The following KCNIP4 variants were observed in gnomAD, a reference collection of about 807,000 sequenced individuals.
KCNIP4 encodes the protein potassium voltage-gated channel interacting protein 4, also known as Kv channel-interacting protein 4.
KCNIP4 carries 12 observed loss-of-function variants against 34.0 expected under a neutral mutation model. The ratio of observed to expected loss-of-function variants is 0.35; its 90% CI spans 0.23 to 0.57. The LOEUF (loss-of-function observed/expected upper bound fraction) is 0.57, where lower values mean the gene tolerates loss of function less well. Ranked by LOEUF, KCNIP4 falls within the 20% of genes least tolerant of loss-of-function variation. KCNIP4 has a pLI of 0.83. For missense variants in KCNIP4, 238 were observed against 311.7 expected, an observed-to-expected ratio of 0.76 and a Z score of 1.78; for synonymous variants, 124 against 102.2, an observed-to-expected ratio of 1.21 and a Z score of -1.29.
At chr4:20,908,834 A>G (rs1454221176) in intron 1 of KCNIP4, among the ~76,000 whole-genome samples, 1 of 152,246 alleles carries the variant, frequency 6.6e-6, no homozygotes, top group Non-Finnish European at 1.5e-5. Context: ...TACTTGTCTC[A>G]TTTAGTTCTT....
At chr4:21,629,707 A>G (rs1278522092) in intron 1 of KCNIP4, among the ~76,000 whole-genome samples, 1 of 152,162 alleles carries the variant, frequency 6.6e-6, no homozygotes, top group Non-Finnish European at 1.5e-5. Context: ...TAGGGAATTT[A>G]GATTCTTTTT....
At chr4:21,301,490 A>ATTCTT (rs1447306150) in intron 1 of KCNIP4, among the ~76,000 whole-genome samples, 9 of 152,244 alleles carry the variant, frequency 5.9e-5, no homozygotes, top group African/African-American at 2.2e-4. Context: ...TAATATTCAA[A>ATTCTT]TTCTTTCATA....
intron 1 of KCNIP4, among the ~76,000 whole-genome samples, chr4:20,972,692 G>A (rs1442486459): frequency 6.6e-6 from 1 of 152,126 alleles, no homozygotes; most frequent in Non-Finnish European, 1.5e-5. Flanking sequence ...GCAACAGCAA[G>A]ATTTATTGTG....
chr4:20,890,454 T>C (rs1283036450), intron 1 of KCNIP4, among the ~76,000 whole-genome samples: 1 of 152,158 alleles, frequency 6.6e-6, no homozygotes, highest in African/African-American at 2.4e-5. Context: ...AGGTGTCTTA[T>C]CCTGTTTCGA....
chr4:20,877,964 C>CTG lies in KCNIP4; in HGVS notation c.163+4643_163+4644insCA, dbSNP rs1205700835. 2.1e-3 allele frequency among the ~76,000 whole-genome samples: 267 copies of CTG among 128,276 alleles called. 2 individuals carry two copies. The highest frequency in any genetic ancestry group is 3.2e-4 in the Non-Finnish European group (19 of 59,518). 84.2% of individuals were successfully genotyped at this position (128,276 alleles called of 152,430 possible). On this transcript the variant is annotated intron_variant, in intron 2 of 8. Coordinates refer to ENST00000382152, the MANE Select transcript of KCNIP4 (RefSeq NM_025221.6). ...CAAAGGGCCAGAGCTAATGTTTTCTCTCTCTCTTTTTTTTTTTCCAATTTA... is the reference window on the plus strand; with the variant it reads ...CAAAGGGCCAGAGCTAATGTTTTCTCTGTCTCTCTTTTTTTTTTTCCAATTTA...
chr4:21,471,850 A>G (rs1730494240), intron 1 of KCNIP4, among the ~76,000 whole-genome samples: 1 of 152,210 alleles, frequency 6.6e-6, no homozygotes, highest in Non-Finnish European at 1.5e-5. Flanking sequence ...AAAATACATC[A>G]TACTTTATTT....
intron 1 of KCNIP4, among the ~76,000 whole-genome samples, chr4:21,059,169 T>A (rs960205523): frequency 3.3e-5 from 5 of 152,150 alleles, no homozygotes; most frequent in Admixed American, 6.6e-5. Context: ...ATGTTATTAT[T>A]AGCAAAGTTA....
intron 5 of KCNIP4, among the ~76,000 whole-genome samples, chr4:20,747,809 G>T (rs1484021875): frequency 6.6e-6 from 1 of 152,062 alleles, no homozygotes; most frequent in African/African-American, 2.4e-5. Context: ...TGTTCATCCT[G>T]CCCCTGTGGT....
At chr4:21,197,942 A>G (rs1756175117) in intron 1 of KCNIP4, among the ~76,000 whole-genome samples, 2 of 152,220 alleles carry the variant, frequency 1.3e-5, no homozygotes, top group Non-Finnish European at 2.9e-5. Flanking sequence ...CCAAAATCTT[A>G]GAATGAGAAA....
chr4:21,224,194 G>A (rs1197701550), intron 1 of KCNIP4, among the ~76,000 whole-genome samples: 5 of 151,954 alleles, frequency 3.3e-5, no homozygotes, highest in East Asian at 3.9e-4. Flanking sequence ...TCACAGAATC[G>A]GCAGTTTAAA....
chr4:21,633,174 A>G (rs1745883136), intron 1 of KCNIP4, among the ~76,000 whole-genome samples: 1 of 152,202 alleles, frequency 6.6e-6, no homozygotes, highest in Non-Finnish European at 1.5e-5. Flanking sequence ...AGGAAACTAA[A>G]AATTAACAGC....
chr4:20,990,303 T>G (rs1486995828), intron 1 of KCNIP4, among the ~76,000 whole-genome samples: 1 of 152,226 alleles, frequency 6.6e-6, no homozygotes, highest in Admixed American at 6.5e-5. Context: ...AACTTTCTGC[T>G]CAAACATGAT....
chr4:21,105,593 C>T (rs1265258267), intron 1 of KCNIP4, among the ~76,000 whole-genome samples: 5 of 151,626 alleles, frequency 3.3e-5, no homozygotes, highest in Non-Finnish European at 4.4e-5. Context: ...TTATTTCCTT[C>T]TCCTGCCTAA....
In KCNIP4 at chr4:20,738,071, A is replaced by C. The variant is rs944918491; in HGVS notation, c.430-3336T>G. The stretch of plus-strand genomic sequence containing the variant: ...CTTGAGCCCAGAAGGTCGAGGCTAC[A>C]GTGAACTATGATTGCACCACTGTGC... On this transcript the variant is annotated intron_variant, in intron 5 of 8. Coordinates refer to ENST00000382152, the MANE Select transcript of KCNIP4 (RefSeq NM_025221.6). 2.8e-4 allele frequency among the ~76,000 whole-genome samples: 42 copies of C among 152,094 alleles called. 1 individual carries two copies. Among genetic ancestry groups the C allele is most frequent in the Admixed American group, 7.2e-4 (11 of 15,264 alleles).
chr4:21,318,315 A>C (rs1714003002), intron 1 of KCNIP4, among the ~76,000 whole-genome samples: 3 of 152,310 alleles, frequency 2.0e-5, no homozygotes, highest in East Asian at 3.9e-4. Flanking sequence ...TCAATTATGT[A>C]CAATCCTTGC....
chr4:21,298,893 C>G (rs779229991), intron 1 of KCNIP4, among the ~76,000 whole-genome samples: 4 of 152,064 alleles, frequency 2.6e-5, no homozygotes, highest in African/African-American at 9.7e-5. Flanking sequence ...ACACTTTCTC[C>G]CCTTTGCAAA....
intron 1 of KCNIP4, among the ~76,000 whole-genome samples, chr4:21,775,516 G>C (rs1293838420): frequency 6.6e-6 from 1 of 152,168 alleles, no homozygotes; most frequent in Non-Finnish European, 1.5e-5. Flanking sequence ...TTCTTCGGGG[G>C]AAACCCATTT....
chr4:20,817,072 G>A (rs145055132), intron 3 of KCNIP4, among the ~76,000 whole-genome samples: 7 of 152,232 alleles, frequency 4.6e-5, no homozygotes, highest in East Asian at 1.9e-4. Flanking sequence ...TTATTAAGTC[G>A]AGGAATCTTT....
At chr4:21,785,191 C>G (rs1306963619) in intron 1 of KCNIP4, among the ~76,000 whole-genome samples, 1 of 152,086 alleles carries the variant, frequency 6.6e-6, no homozygotes, top group Non-Finnish European at 1.5e-5. Context: ...AACTCACATA[C>G]CACAGAATTC....
Sources: gnomAD v4.1 joint callset for allele counts (sites outside exome capture counted in the v4.1 genomes callset) on GRCh38, gnomAD v4.1.1 for gene constraint, MANE v1.5 for transcripts, NCBI Gene and HGNC (gene_info 2026-07-23, HGNC 2026-07-21) for gene names.